Variants in RASA3 observed in about 807,000 individuals in gnomAD.
RASA3 encodes ras GTPase-activating protein 3.
A neutral mutation model predicts 110.0 loss-of-function variants in RASA3; 73 were observed. The observed-to-expected ratio is 0.66, with a 90% CI of 0.55 to 0.81. RASA3 has a LOEUF of 0.81. RASA3 is among the 30% of genes least tolerant of loss of function. The pLI is 0.00. For synonymous variants in RASA3, 500 were observed against 451.4 expected (o/e 1.11, Z -1.37); for missense variants, 976 against 1,113.2 (o/e 0.88, Z 1.75).
In RASA3 at chr13:114,027,902, T is replaced by C. The variant is rs1441271045; in HGVS notation, c.475A>G (p.Ile159Val). The C allele has an allele frequency of 3.7e-6, 6 of 1,613,572 alleles. No individual in the cohort carries two copies. The highest frequency in any genetic ancestry group is 2.2e-5 in the East Asian group (1 of 44,872). ...TAGGGGTCACATTGCCCATTCACGA[T>C]GGGGAGGCCCTGGCACTCGACGATG... ...TRIVECQGLP[I>V]VNGQCDPYAT... The change falls in exon 6 of 24, where the codon ATC (isoleucine) becomes GTC (valine). Residue 159 changes from isoleucine (I) to valine (V), a missense_variant. Transcript: ENST00000334062.
Position 114,059,641 on chromosome 13 carries a change from C to T in RASA3, c.174-7486G>A, listed in dbSNP as rs1241946906. 2.6e-5 allele frequency among the ~76,000 whole-genome samples: 4 copies of T among 152,382 alleles called. No homozygotes were observed. In the East Asian group the frequency reaches 7.7e-4, roughly 29 times the overall value. ...AAGGGCAGTGGCTCTGCCCCCAAAG[C>T]GGCCTCCCCAGGACACACCACTGCC... On this transcript the variant is annotated intron_variant, in intron 2 of 23. Coordinates refer to ENST00000334062, the MANE Select transcript of RASA3 (RefSeq NM_007368.4).
chr13:114,075,755 G>A (rs571951188), intron 1 of RASA3, among the ~76,000 whole-genome samples: 3 of 102,660 alleles, frequency 2.9e-5, no homozygotes, highest in South Asian at 7.3e-4. Flanking sequence ...GTGTGGAGGC[G>A]CCGGCAGGAC....
chr13:114,088,884 T>G (rs1001611881), intron 1 of RASA3, among the ~76,000 whole-genome samples: 1 of 152,218 alleles, frequency 6.6e-6, no homozygotes, highest in Admixed American at 6.5e-5. Flanking sequence ...CATGGTAAAA[T>G]GTTCCCTGGT....
Position 114,077,779 on chromosome 13 carries a change from C to T in RASA3, c.56-3942G>A, listed in dbSNP as rs1009221743. ...CCAAAACACACCAGGTTCCTCCCTC[C>T]CCGCCCGATGGCCCCGTCTTTACCT... is the stretch of plus-strand genomic sequence containing the variant. On this transcript the variant is annotated intron_variant, in intron 1 of 23. Coordinates refer to ENST00000334062, the MANE Select transcript of RASA3 (RefSeq NM_007368.4). The T allele has an allele frequency of 9.2e-6, 9 of 973,492 alleles. No homozygotes were observed. In the East Asian group the frequency reaches 9.2e-4, roughly 99 times the overall value. 60.3% of individuals were successfully genotyped at this position (973,492 alleles called of 1,614,324 possible).
intron 1 of RASA3, among the ~76,000 whole-genome samples, chr13:114,109,656 G>C (rs1306156816): frequency 6.6e-6 from 1 of 152,126 alleles, no homozygotes; most frequent in Non-Finnish European, 1.5e-5. Flanking sequence ...TGGAGCCCAG[G>C]ACTCTCTGAC....
At chr13:114,069,560 GTT>G (rs2079522754) in intron 2 of RASA3, among the ~76,000 whole-genome samples, 1 of 39,606 alleles carries the variant, frequency 2.5e-5, no homozygotes, top group Non-Finnish European at 5.3e-5. Context: ...AGACTCGGGG[GTT>G]GGGAGACTTG....
chr13:113,998,301 A>AGCCCTCCTCTTCCCAT (rs1304964815), intron 20 of RASA3, among the ~76,000 whole-genome samples: 1 of 150,828 alleles, frequency 6.6e-6, no homozygotes, highest in Non-Finnish European at 1.5e-5. Context: ...TCCTCTTCCC[A>AGCCCTCCTCTTCCCAT]GCCCTCCTCT....
At chr13:114,058,377 G>T (rs899542265) in intron 2 of RASA3, among the ~76,000 whole-genome samples, 2 of 152,216 alleles carry the variant, frequency 1.3e-5, no homozygotes, top group African/African-American at 4.8e-5. Context: ...CCTGCCTGAC[G>T]ACCTCTCCCG....
Position 114,009,371 on chromosome 13 carries a change from G to A in RASA3, c.1668+16C>T, listed in dbSNP as rs1357690553. ...AGCACGGCACACGGGCGGTCGGAGG[G>A]TGAGTCGATACTTACGTTCTTCACC... On this transcript the variant is annotated intron_variant, in intron 17 of 23. Coordinates refer to ENST00000334062, the MANE Select transcript of RASA3 (RefSeq NM_007368.4). 5.0e-6 allele frequency: 8 copies of A among 1,601,642 alleles called. No homozygotes were observed. In the South Asian group the frequency reaches 6.6e-5, roughly 13 times the overall value.
intron 4 of RASA3, among the ~76,000 whole-genome samples, chr13:114,033,319 A>C: frequency 2.0e-5 from 1 of 50,918 alleles, no homozygotes; most frequent in South Asian, 1.0e-3. Context: ...CACACTTGAT[A>C]CCACGTTCCA....
At chr13:114,104,517 G>A (rs2080107567) in intron 1 of RASA3, among the ~76,000 whole-genome samples, 2 of 152,088 alleles carry the variant, frequency 1.3e-5, no homozygotes, top group Admixed American at 1.3e-4. Context: ...CTGTCATCAG[G>A]GGCGGGAACT....
chr13:114,040,276 C>A (rs1410740404), intron 4 of RASA3, among the ~76,000 whole-genome samples: 584 of 73,716 alleles, frequency 7.9e-3, no homozygotes, highest in Middle Eastern at 0.044. Context: ...GTGAACACGC[C>A]CAACCCAAAA....
At chr13:114,012,129 A>G (rs1032148880) in intron 15 of RASA3, among the ~76,000 whole-genome samples, 1 of 152,040 alleles carries the variant, frequency 6.6e-6, no homozygotes, top group Non-Finnish European at 1.5e-5. Flanking sequence ...TACGCCGATC[A>G]TCAATACTCC....
At chr13:114,023,963 C>T (rs2053979651) in intron 8 of RASA3, among the ~76,000 whole-genome samples, 2 of 152,314 alleles carry the variant, frequency 1.3e-5, no homozygotes, top group South Asian at 4.1e-4. Flanking sequence ...GAGGCCTGAA[C>T]CCATGGAAGG....
At chr13:114,121,086 G>A (rs2080369326) in intron 1 of RASA3, among the ~76,000 whole-genome samples, 1 of 152,208 alleles carries the variant, frequency 6.6e-6, no homozygotes, top group Non-Finnish European at 1.5e-5. Context: ...ACAAGTTGTG[G>A]GCCTAAAAAC....
chr13:113,980,423 TCCTC>T, intron 23 of RASA3, among the ~76,000 whole-genome samples: 1 of 140,440 alleles, frequency 7.1e-6, no homozygotes, highest in African/African-American at 2.7e-5. Context: ...CGTGTTCACC[TCCTC>T]CGTGTGTGCA....
chr13:114,080,411 A>G (rs544103477), intron 1 of RASA3, among the ~76,000 whole-genome samples: 1 of 152,268 alleles, frequency 6.6e-6, no homozygotes, highest in African/African-American at 2.4e-5. Context: ...ACTGCCGTCC[A>G]GGGGGTCTGC....
At chr13:114,050,076 G>A (rs192300030) in intron 3 of RASA3, among the ~76,000 whole-genome samples, 2 of 152,364 alleles carry the variant, frequency 1.3e-5, no homozygotes, top group Non-Finnish European at 2.9e-5. Context: ...CACTAGCCCT[G>A]GAGCCGATGC....
In RASA3 at chr13:114,024,389, G is replaced by A. The variant is rs776016463; in HGVS notation, c.604-34C>T. ...AGACGAGAGAGAAAGCGCTGAGACC[G>A]CGGTGCCACCAGGCGGGGGTATATG... On this transcript the variant is annotated intron_variant, in intron 7 of 23. Transcript: ENST00000334062. 40 of 1,601,076 alleles carry A rather than the reference G, an allele frequency of 2.5e-5. No homozygotes were observed. The Admixed American group carries it at 3.2e-4, about 13-fold the overall frequency.
Sources: gnomAD v4.1 joint callset for allele counts (sites outside exome capture counted in the v4.1 genomes callset) on GRCh38, gnomAD v4.1.1 for gene constraint, MANE v1.5 for transcripts, NCBI Gene and HGNC (gene_info 2026-07-23, HGNC 2026-07-21) for gene names.